Variants in DNAH9 observed in about 807,000 individuals in gnomAD.
DNAH9 encodes the protein DNAH9 variant protein.
A neutral mutation model predicts 471.6 loss-of-function variants in DNAH9; 345 were observed. The observed-to-expected ratio is 0.73, with a 90% CI of 0.67 to 0.80. The LOEUF is 0.80. Among genes scored for constraint, DNAH9 ranks in the 30% least tolerant of loss-of-function variants. The pLI is 0.00. For synonymous variants in DNAH9, 2,093 were observed against 2,123.6 expected (o/e 0.99, Z 0.40); for missense variants, 5,407 against 5,609.2 (o/e 0.96, Z 1.15).
intron 67 of DNAH9, among the ~76,000 whole-genome samples, chr17:11,952,708 G>A (rs1276331027): frequency 6.6e-6 from 1 of 151,968 alleles, no homozygotes; most frequent in Non-Finnish European, 1.5e-5. Context: ...TCCTAAAATG[G>A]CCTGTAGCCC....
At position 11,816,328 on chromosome 17, in the gene DNAH9, CAG is replaced by C. The variant is rs71367351; in HGVS notation, c.8708-5589_8708-5588del. On this transcript the variant is annotated intron_variant, in intron 45 of 68. Coordinates refer to ENST00000262442, the MANE Select transcript of DNAH9 (RefSeq NM_001372.4). ...ACTGATATATACCTATTACTCTGTG[CAG>C]AGTCTTGTTTTTCATCGTTTATACG... is the stretch of plus-strand genomic sequence containing the variant. Among the ~76,000 whole-genome samples the C allele has an allele frequency of 5.0e-3, 762 of 152,330 alleles. 5 individuals are homozygous for C. The highest frequency in any genetic ancestry group is 8.3e-3 in the Non-Finnish European group (568 of 68,048).
intron 38 of DNAH9, among the ~76,000 whole-genome samples, chr17:11,775,494 TCCAC>T (rs1174422037): frequency 6.6e-6 from 1 of 150,574 alleles, no homozygotes; most frequent in Non-Finnish European, 1.5e-5. Context: ...AGACAGTAAC[TCCAC>T]CCAGTAGGTC....
intron 22 of DNAH9, among the ~76,000 whole-genome samples, chr17:11,695,603 A>G (rs2074462313): frequency 6.6e-6 from 1 of 152,204 alleles, no homozygotes; most frequent in African/African-American, 2.4e-5. Context: ...TTGAGTATTA[A>G]AGTAACTAAT....
chr17:11,968,015 C>T (rs1161946161), intron 68 of DNAH9, among the ~76,000 whole-genome samples: 1 of 152,148 alleles, frequency 6.6e-6, no homozygotes, highest in Non-Finnish European at 1.5e-5. Context: ...GTAAACAATT[C>T]AACCATAATA....
At position 11,933,972 on chromosome 17, in the gene DNAH9, C is replaced by G. The variant is rs780144408; in HGVS notation, c.12390C>G (p.Tyr4130Ter). ...DDWDRRLCRT[Y>*]LGEFIRPEML... Reference sequence around the variant, plus strand: ...GGGACAGAAGACTCTGCAGAACCTACCTGGGGGAATTCATTCGACCAGAAA... The same window carrying G: ...GGGACAGAAGACTCTGCAGAACCTAGCTGGGGGAATTCATTCGACCAGAAA... The change falls in exon 65 of 69, where the codon TAC becomes TAG. Residue 4130 changes from tyrosine to a stop codon, truncating the protein, a stop_gained. Coordinates refer to ENST00000262442, the MANE Select transcript of DNAH9 (RefSeq NM_001372.4). LOFTEE classifies it high-confidence loss of function. The G allele has an allele frequency of 1.2e-6, 2 of 1,614,196 alleles. No individual in the cohort carries two copies. Among genetic ancestry groups the G allele is most frequent in the Non-Finnish European group, 1.7e-6 (2 of 1,180,028 alleles).
intron 50 of DNAH9, among the ~76,000 whole-genome samples, chr17:11,863,748 G>C (rs925284390): frequency 0.023 from 3,523 of 149,916 alleles, 130 homozygotes; most frequent in African/African-American, 0.081. Context: ...GTTTAGTCTT[G>C]GGAGAGTGTA....
intron 9 of DNAH9, among the ~76,000 whole-genome samples, chr17:11,638,294 A>G (rs2073200781): frequency 6.6e-6 from 1 of 152,206 alleles, no homozygotes; most frequent in Non-Finnish European, 1.5e-5. Flanking sequence ...GGTCAGATAC[A>G]GAGTTTGAAA....
rs764762544 is a variant in DNAH9 at position 11,869,101 on chromosome 17, T to A, written c.9934-33T>A. 31 of 1,607,812 alleles carry A rather than the reference T, an allele frequency of 1.9e-5. No homozygotes were observed. In the Admixed American group the frequency reaches 5.2e-4, roughly 27 times the overall value. On this transcript the variant is annotated intron_variant, in intron 50 of 68. Transcript: ENST00000262442. ...GCACTGGTAGTTACATGGGCCGAAA[T>A]GACTGATGGTCCTTGTATTCCTTCC...
At chr17:11,851,160 G>T (rs1286891215) in intron 49 of DNAH9, among the ~76,000 whole-genome samples, 1 of 151,760 alleles carries the variant, frequency 6.6e-6, no homozygotes, top group African/African-American at 2.4e-5. Flanking sequence ...ACCCAGGCTG[G>T]AGTGCAATGG....
chr17:11,829,075 GT>G (rs1445575968), intron 48 of DNAH9, among the ~76,000 whole-genome samples: 19 of 152,270 alleles, frequency 1.2e-4, no homozygotes, highest in African/African-American at 4.6e-4. Context: ...CGGCAATACT[GT>G]GCACATGGTA....
intron 36 of DNAH9, among the ~76,000 whole-genome samples, chr17:11,766,305 T>TAAA (rs35486873): frequency 1.4e-5 from 2 of 143,688 alleles, no homozygotes; most frequent in African/African-American, 5.1e-5. Context: ...AGTTCCCATT[T>TAAA]AAAAAAAAAA....
chr17:11,750,271 CA>C (rs199601472), intron 32 of DNAH9, among the ~76,000 whole-genome samples: 12 of 144,380 alleles, frequency 8.3e-5, no homozygotes, highest in African/African-American at 3.0e-4. Context: ...CCATGTCTAC[CA>C]AAAAAAAAAA....
Position 11,896,438 on chromosome 17 carries a change from G to A in DNAH9, c.11406+1942G>A, listed in dbSNP as rs534697968. ...ATTGACAAAAACAGATGGTGGGCCA[G>A]ATTGGGCCTGCAAGCTGTAGTTTGC... On this transcript the variant is annotated intron_variant, in intron 59 of 68. Transcript: ENST00000262442. Among the ~76,000 whole-genome samples the A allele has an allele frequency of 3.3e-5, 5 of 152,362 alleles. No homozygotes were observed. In the East Asian group the frequency reaches 9.6e-4, roughly 29 times the overall value.
At chr17:11,859,366 C>G (rs1285209086) in intron 50 of DNAH9, among the ~76,000 whole-genome samples, 2 of 141,882 alleles carry the variant, frequency 1.4e-5, no homozygotes, top group Admixed American at 1.5e-4. Context: ...GAGCTGAGAT[C>G]GTGCCATTGC....
chr17:11,771,832 A>T (rs1444294725), intron 38 of DNAH9, among the ~76,000 whole-genome samples: 2 of 152,242 alleles, frequency 1.3e-5, no homozygotes, highest in Non-Finnish European at 2.9e-5. Context: ...ACATTTATCA[A>T]AGACTTATCA....
chr17:11,922,992 C>A (rs1437079707), intron 61 of DNAH9, among the ~76,000 whole-genome samples: 1 of 152,146 alleles, frequency 6.6e-6, no homozygotes, highest in Non-Finnish European at 1.5e-5. Flanking sequence ...AATCCTACCC[C>A]TCTTTGGGAA....
rs188967810 is a variant in DNAH9 at position 11,855,855 on chromosome 17, T to G, written c.9933+1427T>G. 2.6e-5 allele frequency among the ~76,000 whole-genome samples: 4 copies of G among 152,350 alleles called. No individual in the cohort carries two copies. In the East Asian group the frequency reaches 7.7e-4, roughly 29 times the overall value. Reference sequence around the variant, plus strand: ...TTCCAATCCAAGCTGTAATATTTACTGATCGTGTGACCTTTAGAAAGGTTT... The same window carrying G: ...TTCCAATCCAAGCTGTAATATTTACGGATCGTGTGACCTTTAGAAAGGTTT... On this transcript the variant is annotated intron_variant, in intron 50 of 68. Coordinates refer to ENST00000262442, the MANE Select transcript of DNAH9 (RefSeq NM_001372.4).
intron 28 of DNAH9, among the ~76,000 whole-genome samples, chr17:11,729,564 G>T (rs1049910417): frequency 2.0e-5 from 3 of 152,168 alleles, no homozygotes; most frequent in African/African-American, 4.8e-5. Context: ...GTCCCTACAG[G>T]TTTCTGTAAT....
intron 4 of DNAH9, among the ~76,000 whole-genome samples, chr17:11,613,862 T>C (rs1182536524): frequency 6.6e-6 from 1 of 152,206 alleles, no homozygotes; most frequent in African/African-American, 2.4e-5. Flanking sequence ...AAATATATTA[T>C]GAGTTTGTTA....
Sources: allele counts gnomAD v4.1 joint callset (sites outside exome capture counted in the v4.1 genomes callset), GRCh38; gene constraint gnomAD v4.1.1; transcripts MANE v1.5; gene names NCBI Gene and HGNC (gene_info 2026-07-23, HGNC 2026-07-21).